The following ENTREP1 variants were observed in gnomAD, a reference collection of about 807,000 sequenced individuals.
The protein encoded by ENTREP1 is Friedreich ataxia region gene X123.
the ENTREP1 span, chr9:69,382,481 G>A: frequency 6.6e-6 from 1 of 152,182 alleles, no homozygotes; most frequent in African/African-American, 2.4e-5. Flanking sequence ...TCCACTTCAG[G>A]CATTAGCTCA....
At chr9:69,344,256 T>C in the ENTREP1 span, among the ~76,000 whole-genome samples, 1 of 152,200 alleles carries the variant, frequency 6.6e-6, no homozygotes, top group East Asian at 1.9e-4. Context: ...TGTACGGTCC[T>C]ATCTGTGTGT....
chr9:69,336,213 G>A, the ENTREP1 span: 1 of 1,537,742 alleles, frequency 6.5e-7, no homozygotes, highest in Non-Finnish European at 8.9e-7. Context: ...ATCCTTACAG[G>A]TGATACTCTC....
chr9:69,386,156 G>GT, the ENTREP1 span: 1,266 of 404,802 alleles, frequency 3.1e-3, no homozygotes, highest in East Asian at 4.1e-3. Context: ...GGGTTTTTTT[G>GT]TTTTTTTTTA....
chr9:69,388,381 T>G, the ENTREP1 span: 88 of 1,613,908 alleles, frequency 5.5e-5, no homozygotes, highest in Non-Finnish European at 7.3e-5. Flanking sequence ...TAGAAAACAT[T>G]AAATCTGTTT....
the ENTREP1 span, chr9:69,383,839 G>A: frequency 3.7e-5 from 59 of 1,581,700 alleles, no homozygotes; most frequent in East Asian, 1.2e-3. Context: ...TGCCCCCAGA[G>A]AACAGCAGGG....
the ENTREP1 span, among the ~76,000 whole-genome samples, chr9:69,359,508 G>C: frequency 2.0e-5 from 3 of 152,158 alleles, no homozygotes; most frequent in Non-Finnish European, 4.4e-5. Flanking sequence ...GGTTTTATAA[G>C]GGGCTGTTTC....
the ENTREP1 span, chr9:69,388,266 C>T: frequency 3.3e-5 from 54 of 1,614,000 alleles, no homozygotes; most frequent in African/African-American, 5.3e-5. Context: ...CGATGCAGAC[C>T]GCGGTCTTTG....
At chr9:69,362,005 A>G in the ENTREP1 span, among the ~76,000 whole-genome samples, 1 of 152,182 alleles carries the variant, frequency 6.6e-6, no homozygotes, top group African/African-American at 2.4e-5. Flanking sequence ...AGGAACTAGT[A>G]GAGCTAAATA....
the ENTREP1 span, among the ~76,000 whole-genome samples, chr9:69,373,564 A>G: frequency 6.6e-6 from 1 of 152,154 alleles, no homozygotes; most frequent in Non-Finnish European, 1.5e-5. Context: ...TTAAATACAG[A>G]CTAACACCCT....
At chr9:69,371,591 C>A in the ENTREP1 span, 1 of 1,612,372 alleles carries the variant, frequency 6.2e-7, no homozygotes, top group South Asian at 1.1e-5. Flanking sequence ...TTGTGTCCAG[C>A]GTGCCCAGGT....
At chr9:69,340,531 T>A in the ENTREP1 span, among the ~76,000 whole-genome samples, 2 of 152,034 alleles carry the variant, frequency 1.3e-5, no homozygotes, top group African/African-American at 2.4e-5. Flanking sequence ...TATTGGAAAA[T>A]AGTTGGTAAA....
chr9:69,342,870 C>T, the ENTREP1 span, among the ~76,000 whole-genome samples: 4 of 152,200 alleles, frequency 2.6e-5, no homozygotes, highest in African/African-American at 9.7e-5. Context: ...GGCAACAGAT[C>T]TTTGATTTCT....
chr9:69,359,544 T>C, the ENTREP1 span, among the ~76,000 whole-genome samples: 1 of 152,226 alleles, frequency 6.6e-6, no homozygotes, highest in African/African-American at 2.4e-5. Context: ...ATCTCCTTCC[T>C]GCTACCTTGT....
chr9:69,335,002 C>T, the ENTREP1 span, among the ~76,000 whole-genome samples: 1 of 152,096 alleles, frequency 6.6e-6, no homozygotes, highest in Non-Finnish European at 1.5e-5. Context: ...TCAGGCAGTC[C>T]ACCTGCCTCG....
At chr9:69,359,970 C>CT in the ENTREP1 span, among the ~76,000 whole-genome samples, 634 of 128,496 alleles carry the variant, frequency 4.9e-3, 6 homozygotes, top group Middle Eastern at 0.016. Flanking sequence ...TCTTATTTTG[C>CT]TTTTTTTTTT....
At chr9:69,375,521 G>A in the ENTREP1 span, among the ~76,000 whole-genome samples, 1 of 152,088 alleles carries the variant, frequency 6.6e-6, no homozygotes, top group African/African-American at 2.4e-5. Flanking sequence ...AAGGAGAAAG[G>A]AGGAATATTA....
the ENTREP1 span, among the ~76,000 whole-genome samples, chr9:69,327,143 T>C: frequency 2.0e-5 from 3 of 152,234 alleles, no homozygotes; most frequent in Admixed American, 1.3e-4. Flanking sequence ...TGCTTTCCTT[T>C]TGAAATACTT....
At chr9:69,379,547 A>T in the ENTREP1 span, 3 of 152,250 alleles carry the variant, frequency 2.0e-5, no homozygotes, top group Admixed American at 2.0e-4. Flanking sequence ...AGAATGACAG[A>T]GGCTGAAGAG....
the ENTREP1 span, chr9:69,382,437 G>A: frequency 6.6e-6 from 1 of 152,172 alleles, no homozygotes; most frequent in African/African-American, 2.4e-5. Context: ...CCAACTGGAG[G>A]CTTGATGTGT....
Sources: allele counts gnomAD v4.1 joint callset (sites outside exome capture counted in the v4.1 genomes callset), GRCh38; gene constraint gnomAD v4.1.1; transcripts MANE v1.5; gene names NCBI Gene and HGNC (gene_info 2026-07-23, HGNC 2026-07-21).